Variants in DNAJC1 observed in about 807,000 individuals in gnomAD.
DNAJC1 encodes the protein DnaJ heat shock protein family (Hsp40) member C1, also known as dnaJ homolog subfamily C member 1.
A neutral mutation model predicts 76.6 loss-of-function variants in DNAJC1; 58 were observed. The ratio of observed to expected loss-of-function variants is 0.76; its 90% CI spans 0.61 to 0.94. DNAJC1 has a LOEUF of 0.94. Among genes scored for constraint, DNAJC1 ranks in the 40% least tolerant of loss-of-function variants. The pLI, the probability that DNAJC1 is intolerant of heterozygous loss-of-function variation, is 0.00. For missense variants in DNAJC1, 689 were observed against 677.3 expected, an observed-to-expected ratio of 1.02 and a Z score of -0.19; for synonymous variants, 258 against 267.9, an observed-to-expected ratio of 0.96 and a Z score of 0.36.
rs188867376 is a variant in DNAJC1, at chr10:21,860,034, C to T, written c.978+22248G>A. The stretch of plus-strand genomic sequence containing the variant: ...CCTGACCTCAAGTGATCCACCCCTT[C>T]GGCCTCCCAAAGTGCTAGGATTACA... On this transcript the variant is annotated intron_variant, in intron 8 of 11. Transcript: ENST00000376980. Among the ~76,000 whole-genome samples the T allele has an allele frequency of 3.5e-4, 53 of 152,050 alleles. No homozygotes were observed. In the East Asian group the frequency reaches 7.9e-3, roughly 23 times the overall value.
chr10:21,971,972 C>T (rs1215478586), intron 1 of DNAJC1, among the ~76,000 whole-genome samples: 1 of 151,892 alleles, frequency 6.6e-6, no homozygotes, highest in Non-Finnish European at 1.5e-5. Flanking sequence ...CCCTCTCTCA[C>T]CCCACTTTTC....
intron 1 of DNAJC1, among the ~76,000 whole-genome samples, chr10:21,990,079 G>A (rs992977825): frequency 3.9e-5 from 6 of 152,234 alleles, no homozygotes; most frequent in East Asian, 3.9e-4. Flanking sequence ...AACTATACAC[G>A]GGGTGCTGCT....
At chr10:21,860,108 C>A (rs1424580067) in intron 8 of DNAJC1, among the ~76,000 whole-genome samples, 1 of 146,214 alleles carries the variant, frequency 6.8e-6, no homozygotes, top group African/African-American at 2.5e-5. Flanking sequence ...ATGCAAACAG[C>A]AGAGAGGGTA....
chr10:21,833,640 G>A (rs983988098), intron 8 of DNAJC1, among the ~76,000 whole-genome samples: 5 of 152,102 alleles, frequency 3.3e-5, no homozygotes, highest in African/African-American at 9.7e-5. Context: ...TCTACCAAAT[G>A]GAGTTGCTGT....
chr10:21,853,786 T>C (rs959081349), intron 8 of DNAJC1, among the ~76,000 whole-genome samples: 2 of 36,620 alleles, frequency 5.5e-5, no homozygotes, highest in African/African-American at 1.6e-4. Context: ...AGACTCCATC[T>C]CAAAAAAAAA....
At chr10:21,782,361 T>A (rs1033858609) in intron 9 of DNAJC1, among the ~76,000 whole-genome samples, 4 of 152,196 alleles carry the variant, frequency 2.6e-5, no homozygotes, top group Non-Finnish European at 4.4e-5. Flanking sequence ...AATCTCTGAA[T>A]AGACCAATAA....
At chr10:21,912,710 G>A (rs1429255448) in intron 6 of DNAJC1, among the ~76,000 whole-genome samples, 1 of 152,074 alleles carries the variant, frequency 6.6e-6, no homozygotes, top group Non-Finnish European at 1.5e-5. Flanking sequence ...TAAGTAGAAG[G>A]GCAGGCGACT....
rs938193071 is a variant in DNAJC1 at position 21,987,038 on chromosome 10, G to A, written c.222+16175C>T. ...CCTCCTTGGCCACCCAAAGTGCTGGGATTAGGTGTGAGCCACCACGCCCAG... is the reference window on the plus strand; with the variant it reads ...CCTCCTTGGCCACCCAAAGTGCTGGAATTAGGTGTGAGCCACCACGCCCAG... On this transcript the variant is annotated intron_variant, in intron 1 of 11. Transcript: ENST00000376980. Among the ~76,000 whole-genome samples, 7 of 152,274 alleles carry A rather than the reference G, an allele frequency of 4.6e-5. No homozygotes were observed. The South Asian group carries it at 1.4e-3, about 32-fold the overall frequency.
intron 9 of DNAJC1, among the ~76,000 whole-genome samples, chr10:21,779,519 T>G (rs1243766856): frequency 2.0e-5 from 3 of 152,196 alleles, no homozygotes; most frequent in African/African-American, 7.2e-5. Flanking sequence ...CTCCAGCAGA[T>G]GTGCAGCTGA....
chr10:21,817,708 T>C (rs1339257760), intron 8 of DNAJC1, among the ~76,000 whole-genome samples: 1 of 152,230 alleles, frequency 6.6e-6, no homozygotes, highest in African/African-American at 2.4e-5. Flanking sequence ...GCTGAACCCA[T>C]GGCAGAAGAA....
intron 1 of DNAJC1, among the ~76,000 whole-genome samples, chr10:21,977,101 G>A (rs1298433636): frequency 2.0e-5 from 3 of 152,082 alleles, no homozygotes; most frequent in African/African-American, 4.8e-5. Flanking sequence ...TAGAGAACAT[G>A]GTGGACACTC....
intron 7 of DNAJC1, 48 bp downstream of exon 7, chr10:21,904,474 T>C (rs1428359543): frequency 1.7e-6 from 2 of 1,175,740 alleles, no homozygotes; most frequent in East Asian, 5.4e-5. Flanking sequence ...CACATTTAAA[T>C]AATTAATTTT....
At chr10:21,957,741 A>G (rs1398300717) in intron 1 of DNAJC1, among the ~76,000 whole-genome samples, 2 of 152,194 alleles carry the variant, frequency 1.3e-5, no homozygotes, top group Admixed American at 6.5e-5. Flanking sequence ...AAATACATAC[A>G]TTCTTCTTCA....
chr10:21,852,090 GAT>G (rs1835765906), intron 8 of DNAJC1, among the ~76,000 whole-genome samples: 1 of 52,700 alleles, frequency 1.9e-5, no homozygotes, highest in Non-Finnish European at 3.6e-5. Context: ...AAAATTGTGA[GAT>G]ACACACACAC....
chr10:21,821,221 C>T (rs1554888523), intron 8 of DNAJC1, among the ~76,000 whole-genome samples: 2 of 151,556 alleles, frequency 1.3e-5, no homozygotes, highest in Non-Finnish European at 2.9e-5. Flanking sequence ...GGCAGGAGGT[C>T]AGAGAGAGAG....
intron 8 of DNAJC1, among the ~76,000 whole-genome samples, chr10:21,856,122 G>A (rs904860501): frequency 6.6e-6 from 1 of 152,102 alleles, no homozygotes; most frequent in African/African-American, 2.4e-5. Context: ...TCTCCTGAAG[G>A]TAGATATTAT....
Position 21,905,763 on chromosome 10 carries a change from G to C in DNAJC1, c.730-1151C>G, listed in dbSNP as rs143817670. Among the ~76,000 whole-genome samples, 6 of 152,208 alleles carry C rather than the reference G, an allele frequency of 3.9e-5. No homozygotes were observed. In the East Asian group the frequency reaches 1.2e-3, roughly 29 times the overall value. On this transcript the variant is annotated intron_variant, in intron 6 of 11. Coordinates refer to ENST00000376980, the MANE Select transcript of DNAJC1 (RefSeq NM_022365.4). Reference sequence around the variant, plus strand: ...CGAATTGAACTAGACTGAAATATGTGAGAAACCTAATAAAGCAAGAAATGA... The same window carrying C: ...CGAATTGAACTAGACTGAAATATGTCAGAAACCTAATAAAGCAAGAAATGA...
chr10:21,808,214 A>G (rs1834911664), intron 8 of DNAJC1, among the ~76,000 whole-genome samples: 1 of 152,168 alleles, frequency 6.6e-6, no homozygotes, highest in Non-Finnish European at 1.5e-5. Context: ...ATTGTCTACA[A>G]TGTCTAAAAT....
chr10:21,838,720 G>C (rs1488597552), intron 8 of DNAJC1, among the ~76,000 whole-genome samples: 1 of 152,026 alleles, frequency 6.6e-6, no homozygotes, highest in Non-Finnish European at 1.5e-5. Flanking sequence ...GGATACCCAG[G>C]AATTGAACTC....
Sources: allele counts gnomAD v4.1 joint callset (sites outside exome capture counted in the v4.1 genomes callset), GRCh38; gene constraint gnomAD v4.1.1; transcripts MANE v1.5; gene names NCBI Gene and HGNC (gene_info 2026-07-23, HGNC 2026-07-21).